The following CSGALNACT1 variants were observed in gnomAD, a reference collection of about 807,000 sequenced individuals.
CSGALNACT1 encodes the protein beta4GalNAcT-1.
CSGALNACT1 carries 52 observed loss-of-function variants against 51.0 expected under a neutral mutation model. The ratio of observed to expected loss-of-function variants is 1.02; its 90% CI spans 0.82 to 1.29. The LOEUF (loss-of-function observed/expected upper bound fraction) is 1.29, where lower values mean the gene tolerates loss of function less well. CSGALNACT1 is among the 50% of genes most tolerant of loss of function. The probability of loss-of-function intolerance (pLI) is 0.00; values close to 1 mark genes in which losing one functional copy is unlikely to be tolerated. For synonymous variants in CSGALNACT1, 341 were observed against 254.4 expected (o/e 1.34, Z -3.24); for missense variants, 935 against 679.2 (o/e 1.38, Z -4.19).
rs150760996 is a variant in CSGALNACT1 at position 19,492,323 on chromosome 8, C to T, written c.634+12878G>A. ...CCTCACGATGAAATCAACCAGCATA[C>T]TGCTGGGCTATGCCTGGGATGTAGT... On this transcript the variant is annotated intron_variant, in intron 4 of 9. Coordinates refer to ENST00000454498, the Ensembl canonical transcript of CSGALNACT1. 1.7e-3 allele frequency among the ~76,000 whole-genome samples: 263 copies of T among 152,324 alleles called. 2 individuals are homozygous for T. Among genetic ancestry groups the T allele is most frequent in the African/African-American group, 6.1e-3 (254 of 41,580 alleles).
intron 3 of CSGALNACT1, among the ~76,000 whole-genome samples, chr8:19,527,229 C>G (rs757698437): frequency 1.3e-4 from 20 of 152,162 alleles, no homozygotes; most frequent in Non-Finnish European, 2.6e-4. Flanking sequence ...TCAACCTAAC[C>G]TCACGCATTC....
At chr8:19,706,902 C>T (rs2062202784) in intron 1 of CSGALNACT1, among the ~76,000 whole-genome samples, 1 of 152,190 alleles carries the variant, frequency 6.6e-6, no homozygotes, top group Non-Finnish European at 1.5e-5. Context: ...GCTGAGATTA[C>T]AGGTGTGAGC....
At chr8:19,751,441 C>A (rs1284115769) in intron 1 of CSGALNACT1, among the ~76,000 whole-genome samples, 2 of 152,158 alleles carry the variant, frequency 1.3e-5, no homozygotes, top group South Asian at 2.1e-4. Flanking sequence ...AAACAAGAAA[C>A]CTTAAATGAA....
chr8:19,457,612 C>T, intron 5 of CSGALNACT1: 2 of 1,199,062 alleles, frequency 1.7e-6, no homozygotes, highest in South Asian at 2.5e-5. Flanking sequence ...GACTCCATCT[C>T]AAAAAAAAAG....
rs115117015 is a variant in CSGALNACT1, at chr8:19,709,251, G to C, written c.-297+48599C>G. ...GAAAAAGGACTCAAGCCTATGCTCAGTATCCCTTCAATGCATCTTGATATC... is the reference window on the plus strand; with the variant it reads ...GAAAAAGGACTCAAGCCTATGCTCACTATCCCTTCAATGCATCTTGATATC... On this transcript the variant is annotated intron_variant, in intron 1 of 1. Transcript: ENST00000517494. Among the ~76,000 whole-genome samples, 1,237 of 152,240 alleles carry C rather than the reference G, an allele frequency of 8.1e-3. 15 individuals carry two copies. The highest frequency in any genetic ancestry group is 0.028 in the African/African-American group (1,181 of 41,540).
chr8:19,622,760 G>T (rs368924837), intron 1 of CSGALNACT1, among the ~76,000 whole-genome samples: 13 of 152,004 alleles, frequency 8.6e-5, no homozygotes, highest in African/African-American at 3.1e-4. Context: ...AAAGAGGGGG[G>T]AAATAAAAAA....
intron 4 of CSGALNACT1, among the ~76,000 whole-genome samples, chr8:19,497,745 A>T (rs887744572): frequency 6.6e-6 from 1 of 152,178 alleles, no homozygotes. Context: ...TAAAGAGAAA[A>T]GTCAAACTGT....
intron 1 of CSGALNACT1, among the ~76,000 whole-genome samples, chr8:19,733,792 T>C (rs1339359706): frequency 6.6e-6 from 1 of 152,242 alleles, no homozygotes; most frequent in East Asian, 1.9e-4. Flanking sequence ...GTTTTATTTG[T>C]TGTCATTAAG....
chr8:19,417,800 A>G (rs1179871132), intron 8 of CSGALNACT1, among the ~76,000 whole-genome samples: 3 of 152,254 alleles, frequency 2.0e-5, no homozygotes, highest in African/African-American at 7.2e-5. Context: ...TCACAGCCCA[A>G]CTTGAGGTGG....
At chr8:19,450,612 C>G (rs910313489) in intron 5 of CSGALNACT1, among the ~76,000 whole-genome samples, 1 of 152,108 alleles carries the variant, frequency 6.6e-6, no homozygotes, top group Non-Finnish European at 1.5e-5. Flanking sequence ...AAAATGAAGT[C>G]ATTTGCAGGT....
intron 4 of CSGALNACT1, among the ~76,000 whole-genome samples, chr8:19,503,867 C>G (rs1395886292): frequency 6.6e-6 from 1 of 151,298 alleles, no homozygotes; most frequent in African/African-American, 2.4e-5. Flanking sequence ...TGATGATACA[C>G]TAAAATTGCA....
Position 19,635,949 on chromosome 8 carries a change from C to T in CSGALNACT1, c.-543-34084G>A, listed in dbSNP as rs921108031. On this transcript the variant is annotated intron_variant, in intron 1 of 9. Coordinates refer to the CSGALNACT1 transcript ENST00000332246. ...TTCACCATGTTGGCCAGGCTGGTCT[C>T]GAACTCCTGACCTCAGATGATCCAC... Among the ~76,000 whole-genome samples, 21 of 152,252 alleles carry T rather than the reference C, an allele frequency of 1.4e-4. 1 individual carries two copies. The highest frequency in any genetic ancestry group is 1.4e-3 in the Admixed American group (21 of 15,280).
intron 3 of CSGALNACT1, among the ~76,000 whole-genome samples, chr8:19,538,304 C>G (rs543940216): frequency 5.9e-4 from 90 of 152,086 alleles, no homozygotes; most frequent in African/African-American, 1.8e-3. Context: ...TCCTGTGTGA[C>G]AGAGCAAGAT....
intron 1 of CSGALNACT1, among the ~76,000 whole-genome samples, chr8:19,691,809 G>T (rs993279850): frequency 6.6e-6 from 1 of 152,100 alleles, no homozygotes; most frequent in African/African-American, 2.4e-5. Flanking sequence ...GTGTGTCGCT[G>T]GGCTGGCAGC....
chr8:19,695,813 G>A (rs896268023), intron 1 of CSGALNACT1, among the ~76,000 whole-genome samples: 1 of 152,122 alleles, frequency 6.6e-6, no homozygotes, highest in Admixed American at 6.5e-5. Context: ...CTCCTTCAGC[G>A]CAGGAGATTT....
chr8:19,591,030 C>G (rs1419484435), intron 3 of CSGALNACT1: 3 of 152,120 alleles, frequency 2.0e-5, no homozygotes, highest in African/African-American at 7.2e-5. Flanking sequence ...CTAATGGCAC[C>G]GTGAACCAAG....
At chr8:19,751,035 T>A (rs1699532502) in intron 1 of CSGALNACT1, among the ~76,000 whole-genome samples, 1 of 152,206 alleles carries the variant, frequency 6.6e-6, no homozygotes, top group Non-Finnish European at 1.5e-5. Flanking sequence ...TATTTTGTTA[T>A]CTTGCTCCAT....
chr8:19,695,132 A>G (rs754030515), intron 1 of CSGALNACT1, among the ~76,000 whole-genome samples: 11 of 152,184 alleles, frequency 7.2e-5, no homozygotes, highest in Non-Finnish European at 1.5e-4. Flanking sequence ...AAATCTCCCT[A>G]CATAATTTCA....
intron 1 of CSGALNACT1, among the ~76,000 whole-genome samples, chr8:19,737,512 C>A (rs775431623): frequency 1.3e-5 from 2 of 151,418 alleles, no homozygotes; most frequent in African/African-American, 2.4e-5. Flanking sequence ...TGTTAAGTTA[C>A]ACACATACGG....
Sources: allele counts gnomAD v4.1 joint callset (sites outside exome capture counted in the v4.1 genomes callset), GRCh38; gene constraint gnomAD v4.1.1; transcripts MANE v1.5; gene names NCBI Gene and HGNC (gene_info 2026-07-23, HGNC 2026-07-21).